SCYL3: variants seen among roughly 807,000 people sequenced by gnomAD.
The protein encoded by SCYL3 is protein-associating with the carboxyl-terminal domain of ezrin.
SCYL3 carries 35 observed loss-of-function variants against 73.8 expected under a neutral mutation model. That is an observed-to-expected ratio of 0.47 (90% confidence interval 0.36 to 0.63). The LOEUF is 0.63. SCYL3 is among the 20% of genes least tolerant of loss of function. The pLI, the probability that SCYL3 is intolerant of heterozygous loss-of-function variation, is 0.00. For missense variants in SCYL3, 712 were observed against 798.9 expected, an observed-to-expected ratio of 0.89 and a Z score of 1.31; for synonymous variants, 277 against 295.2, an observed-to-expected ratio of 0.94 and a Z score of 0.63.
chr1:169,851,543 C>G lies in SCYL3; in HGVS notation c.*2170G>C. The G allele has an allele frequency of 2.4e-6, 1 of 414,344 alleles. No individual in the cohort carries two copies. The highest frequency in any genetic ancestry group is 4.3e-6 in the Non-Finnish European group (1 of 230,416). 25.7% of individuals were successfully genotyped at this position (414,344 alleles called of 1,614,324 possible). A position where few individuals can be genotyped will look rare whatever the true frequency, so the allele number is the denominator to read the frequency against. On this transcript the variant is annotated 3_prime_UTR_variant, in exon 13 of 13. Transcript: ENST00000367771. The stretch of plus-strand genomic sequence containing the variant: ...TGGATTTTAAGTACATGTGTATACA[C>G]TGCTGTTGCCAGTTTCTTAGCTTAT...
In SCYL3 at chr1:169,853,368, G is replaced by A; in HGVS notation, c.*345C>T. On this transcript the variant is annotated 3_prime_UTR_variant, in exon 13 of 13. Transcript: ENST00000367771. ...ATGTTAAAGAATGGCACAAAATTAA[G>A]CTAACCAGCTTGAATTACATTTTCT... The A allele has an allele frequency of 3.1e-6, 1 of 325,418 alleles. No homozygotes were observed. Among genetic ancestry groups the A allele is most frequent in the Non-Finnish European group, 5.6e-6 (1 of 179,280 alleles). The allele number at this position is 325,418 out of a possible 1,614,324, so 20.2% of individuals were successfully genotyped here.
rs766840472 is a variant in SCYL3, at chr1:169,878,805, A to G, written c.180T>C (p.Leu60=). The change falls in exon 3 of 13, where the codon CTT becomes CTC. Residue 60 remains leucine (L), a synonymous_variant. Coordinates refer to ENST00000367771, the MANE Select transcript of SCYL3 (RefSeq NM_020423.7). The part of the protein sequence containing the change: ...VNKAAKHLKT[L]RHPCLLRFLS... Reference sequence around the variant, plus strand: ...AAAATCTTAGCAAGCAAGGGTGACGAAGTGTCTTCAAATGCTTTAAAAATA... The same window carrying G: ...AAAATCTTAGCAAGCAAGGGTGACGGAGTGTCTTCAAATGCTTTAAAAATA... 6.2e-7 allele frequency: 1 copy of G among 1,611,702 alleles called. No homozygotes were observed. Among genetic ancestry groups the G allele is most frequent in the South Asian group, 1.1e-5 (1 of 90,564 alleles).
chr1:169,859,473 T>C (rs1007557125), intron 10 of SCYL3, among the ~76,000 whole-genome samples: 3 of 152,210 alleles, frequency 2.0e-5, no homozygotes, highest in African/African-American at 7.2e-5. Flanking sequence ...ATAAAATTAC[T>C]CTGTCAAATT....
rs776208838 is a variant in SCYL3 at position 169,862,803 on chromosome 1, C to T, written c.956-6G>A. ...AGTTTCTCCCTGCGCATGATCTACC[C>T]GAAAAATCAAAGGTTACAGATGAAA... On this transcript the variant is annotated splice_region_variant and splice_polypyrimidine_tract_variant and intron_variant, in intron 9 of 12. Coordinates refer to ENST00000367771, the MANE Select transcript of SCYL3 (RefSeq NM_020423.7). The T allele has an allele frequency of 1.2e-6, 2 of 1,611,394 alleles. No individual in the cohort carries two copies. The highest frequency in any genetic ancestry group is 1.7e-5 in the Admixed American group (1 of 59,564).
rs962045100 is a variant in SCYL3, at chr1:169,850,012, A to G, written c.*3701T>C. ...CTGCATTTGCTGTATAGTCATGCCT[A>G]TGATCATAAGGGAGTCCAGAAGCAT... On this transcript the variant is annotated 3_prime_UTR_variant, in exon 13 of 13. Transcript: ENST00000367771. The G allele has an allele frequency of 5.9e-5, 30 of 512,592 alleles. No individual in the cohort carries two copies. Among genetic ancestry groups the G allele is most frequent in the South Asian group, 1.8e-4 (7 of 39,182 alleles). The allele number at this position is 512,592 out of a possible 1,614,324, so 31.8% of individuals were successfully genotyped here.
At chr1:169,861,690 G>C (rs1659663274) in intron 10 of SCYL3, among the ~76,000 whole-genome samples, 2 of 152,216 alleles carry the variant, frequency 1.3e-5, no homozygotes, top group African/African-American at 4.8e-5. Flanking sequence ...CTTGAAAGCA[G>C]AGAGAATGTT....
At chr1:169,894,057 C>G (rs1230051736), upstream of SCYL3, 16 of 152,184 alleles carry the variant, frequency 1.1e-4, no homozygotes, top group African/African-American at 3.9e-4. Context: ...CCGGTGCCAT[C>G]TTAAGTGTGG....
intron 7 of SCYL3, among the ~76,000 whole-genome samples, chr1:169,867,582 A>G (rs1660122351): frequency 6.6e-6 from 1 of 152,242 alleles, no homozygotes; most frequent in Admixed American, 6.5e-5. Flanking sequence ...TGGACAGCCT[A>G]TTGGGAGGCC....
intron 5 of SCYL3, among the ~76,000 whole-genome samples, chr1:169,872,599 C>T (rs1356733830): frequency 6.6e-6 from 1 of 152,194 alleles, no homozygotes; most frequent in Non-Finnish European, 1.5e-5. Context: ...GCTTGCACCA[C>T]GTGCCTGGAA....
rs377102273 is a variant in SCYL3, at chr1:169,866,715, C to T, written c.815+181G>A. 2.0e-5 allele frequency among the ~76,000 whole-genome samples: 3 copies of T among 152,336 alleles called. 1 individual carries two copies. The highest frequency in any genetic ancestry group is 7.2e-5 in the African/African-American group (3 of 41,574). On this transcript the variant is annotated intron_variant, in intron 8 of 12. Transcript: ENST00000367771. ...GTTTAAGGATTATCAGTCTGGGTAT[C>T]TATTTCTTTCACCAGAAATATCTAC... is the stretch of plus-strand genomic sequence containing the variant.
chr1:169,885,853 G>C (rs1195247061), intron 2 of SCYL3, among the ~76,000 whole-genome samples: 1 of 152,186 alleles, frequency 6.6e-6, no homozygotes, highest in African/African-American at 2.4e-5. Flanking sequence ...AGAGCGTGAA[G>C]TCTGCAAGGT....
Position 169,852,707 on chromosome 1 carries a change from C to G in SCYL3, c.*1006G>C. On this transcript the variant is annotated 3_prime_UTR_variant, in exon 13 of 13. Transcript: ENST00000367771. ...GATCCAATGACTAGAATAAAATTTG[C>G]ATGTAAGCTTTACTCCAGTCCAAAA... 5.0e-6 allele frequency: 7 copies of G among 1,391,010 alleles called. No homozygotes were observed. Among genetic ancestry groups the G allele is most frequent in the Non-Finnish European group, 6.0e-6 (6 of 998,322 alleles). The allele number at this position is 1,391,010 out of a possible 1,614,324, so 86.2% of individuals were successfully genotyped here.
Position 169,868,945 on chromosome 1 carries a change from T to C in SCYL3, c.720A>G (p.Leu240=), listed in dbSNP as rs764502801. The change falls in exon 7 of 13, where the codon CTA becomes CTG. Residue 240 remains leucine, a synonymous_variant. Coordinates refer to ENST00000367771, the MANE Select transcript of SCYL3 (RefSeq NM_020423.7). ...PKCRPALCTL[L]SHDFFRNDFL... is the part of the protein sequence containing the mutation. ...GCCCTCACCTGAAGAAGTCATGAGA[T>C]AGTAAGGTGCAGAGCGCTGGCCGAC... 4.3e-6 allele frequency: 7 copies of C among 1,613,402 alleles called. No homozygotes were observed. The highest frequency in any genetic ancestry group is 2.7e-5 in the African/African-American group (2 of 74,860).
chr1:169,876,958 TAA>T (rs61051062), intron 3 of SCYL3, among the ~76,000 whole-genome samples: 5,849 of 74,638 alleles, frequency 0.078, 8 homozygotes, highest in Middle Eastern at 0.11. Context: ...TTGTCTCAAA[TAA>T]AAAAAAAAAA....
rs557495345 is a variant in SCYL3 at position 169,874,384 on chromosome 1, G to A, written c.466-632C>T. Among the ~76,000 whole-genome samples, 7 of 152,274 alleles carry A rather than the reference G, an allele frequency of 4.6e-5. No homozygotes were observed. In the East Asian group the frequency reaches 5.8e-4, roughly 13 times the overall value. On this transcript the variant is annotated intron_variant, in intron 4 of 12. Coordinates refer to ENST00000367771, the MANE Select transcript of SCYL3 (RefSeq NM_020423.7). ...ATGTAAACTAAGAATCTCCATAAAC[G>A]TGCTAAGTGCCCTGGAAGCACTGGG...
Position 169,854,383 on chromosome 1 carries a change from A to C in SCYL3, c.1894T>G (p.Ser632Ala), listed in dbSNP as rs754941806. ...TCAGGTAATATAAGAAAAGCAGCAG[A>C]AGGCTTAATTTCTGGGATCATATCA... ...FADMIPEIKPSAAFLILPELR... is the reference protein window; with the variant it reads ...FADMIPEIKPAAAFLILPELR... The change falls in exon 12 of 13, where the codon TCT becomes GCT. Residue 632 changes from serine (S) to alanine (A), a missense_variant. Coordinates refer to ENST00000367771, the MANE Select transcript of SCYL3 (RefSeq NM_020423.7). 6 of 1,613,972 alleles carry C rather than the reference A, an allele frequency of 3.7e-6. No homozygotes were observed. Among genetic ancestry groups the C allele is most frequent in the South Asian group, 1.1e-5 (1 of 91,080 alleles).
At position 169,859,038 on chromosome 1, in the gene SCYL3, T is replaced by C; in HGVS notation, c.1312+3A>G. The C allele has an allele frequency of 3.1e-6, 5 of 1,611,500 alleles. No individual in the cohort carries two copies. Among genetic ancestry groups the C allele is most frequent in the Non-Finnish European group, 4.2e-6 (5 of 1,179,108 alleles). On this transcript the variant is annotated splice_donor_region_variant and intron_variant, in intron 11 of 12. Transcript: ENST00000367771. Reference sequence around the variant, plus strand: ...AAAAGTTAGACCTTTTAATAATTCTTACCTTCTAGAGAAAGGTCAGTATTT... The same window carrying C: ...AAAAGTTAGACCTTTTAATAATTCTCACCTTCTAGAGAAAGGTCAGTATTT...
intron 1 of SCYL3, among the ~76,000 whole-genome samples, chr1:169,890,750 G>A (rs1047095033): frequency 6.6e-6 from 1 of 152,138 alleles, no homozygotes; most frequent in African/African-American, 2.4e-5. Flanking sequence ...TACCTACCTG[G>A]CAATGTATCT....
At chr1:169,876,994 A>G (rs1271062112) in intron 3 of SCYL3, among the ~76,000 whole-genome samples, 1 of 146,356 alleles carries the variant, frequency 6.8e-6, no homozygotes, top group African/African-American at 2.5e-5. Flanking sequence ...AAAAAGAAAT[A>G]TCCCACAGAC....
Sources: gnomAD v4.1 joint callset for allele counts (sites outside exome capture counted in the v4.1 genomes callset) on GRCh38, gnomAD v4.1.1 for gene constraint, MANE v1.5 for transcripts, NCBI Gene and HGNC (gene_info 2026-07-23, HGNC 2026-07-21) for gene names.